Variants in ASB15 observed in about 807,000 individuals in gnomAD.
The protein encoded by ASB15 is ankyrin repeat and SOCS box protein 15.
In ASB15, 54 loss-of-function variants were observed where a neutral mutation model predicts 58.0. The observed-to-expected ratio is 0.93, with a 90% CI of 0.75 to 1.17. The LOEUF (loss-of-function observed/expected upper bound fraction) is 1.17. Ranked by LOEUF, ASB15 falls within the 50% of genes most tolerant of loss-of-function variation. ASB15 has a pLI of 0.00. For missense variants in ASB15, 680 were observed against 707.4 expected (o/e 0.96, Z 0.44); for synonymous variants, 249 against 262.4 (o/e 0.95, Z 0.50).
intron 1 of ASB15, among the ~76,000 whole-genome samples, chr7:123,580,264 G>A (rs1037311415): frequency 3.3e-5 from 5 of 152,092 alleles, no homozygotes; most frequent in Non-Finnish European, 7.4e-5. Flanking sequence ...GGTGGCAGAT[G>A]AAGTCCTCAG....
At chr7:123,612,052 G>A (rs1032584416) in intron 3 of ASB15, among the ~76,000 whole-genome samples, 1 of 152,024 alleles carries the variant, frequency 6.6e-6, no homozygotes, top group Non-Finnish European at 1.5e-5. Context: ...TACACTGAAA[G>A]CCCAAATTTC....
upstream of ASB15, among the ~76,000 whole-genome samples, chr7:123,597,350 G>T (rs1799727056): frequency 6.6e-6 from 1 of 152,132 alleles, no homozygotes; most frequent in Admixed American, 6.5e-5. Flanking sequence ...AATGATGGCT[G>T]CAAGAATATT....
intron 10 of ASB15, 145 bp from the exon 11 acceptor site, chr7:123,629,821 C>T (rs1285402357): frequency 1.5e-6 from 1 of 650,986 alleles, no homozygotes; most frequent in East Asian, 3.0e-5. Flanking sequence ...GAGAAGCAAA[C>T]AATTTATTTT....
chr7:123,622,961 C>G (rs551852681), intron 7 of ASB15: 50 of 152,382 alleles, frequency 3.3e-4, no homozygotes, highest in African/African-American at 1.0e-3. Context: ...ACATTGGGAG[C>G]TGCTTTCCTT....
At chr7:123,634,957 C>T (rs1802339374) in intron 11 of ASB15, among the ~76,000 whole-genome samples, 1 of 152,130 alleles carries the variant, frequency 6.6e-6, no homozygotes, top group African/African-American at 2.4e-5. Context: ...CATGGAACTG[C>T]ACCATGGAAA....
intron 3 of ASB15, among the ~76,000 whole-genome samples, chr7:123,611,082 C>CAAAAAAA (rs34527165): frequency 7.3e-5 from 6 of 81,852 alleles, no homozygotes; most frequent in Non-Finnish European, 9.4e-5. Context: ...AACTCCATCT[C>CAAAAAAA]AAAAAAAAAA....
chr7:123,619,589 T>C (rs1801096292), intron 7 of ASB15, among the ~76,000 whole-genome samples: 1 of 152,122 alleles, frequency 6.6e-6, no homozygotes, highest in African/African-American at 2.4e-5. Context: ...AGTGGCGCAA[T>C]CTCGGCTCAC....
rs1459949582 is a variant in ASB15 at position 123,637,877 on chromosome 7, C to CAAAAAAAAAAAAAAAAAA, written c.*896_*897insAAAAAAAAAAAAAAAAAA. ...CAAATTCAACATGTCCCCAGATGAA[C>CAAAAAAAAAAAAAAAAAA]TAAAAAAAAAAAAAAAAAAAAAACC... On this transcript the variant is annotated 3_prime_UTR_variant, in exon 12 of 12. Transcript: ENST00000451215. The CAAAAAAAAAAAAAAAAAA allele has an allele frequency of 1.0e-4, 2 of 19,122 alleles. No homozygotes were observed. Among genetic ancestry groups the CAAAAAAAAAAAAAAAAAA allele is most frequent in the African/African-American group, 2.4e-4 (1 of 4,106 alleles). The allele number at this position is 19,122 out of a possible 1,614,324, so 1.2% of individuals were successfully genotyped here.
upstream of ASB15, among the ~76,000 whole-genome samples, chr7:123,597,294 A>G (rs1799725595): frequency 6.6e-6 from 1 of 152,214 alleles, no homozygotes; most frequent in African/African-American, 2.4e-5. Flanking sequence ...CAGATCAATC[A>G]TGATGGTATC....
chr7:123,624,681 C>G lies in ASB15; in HGVS notation c.564C>G (p.Gly188=). Reference sequence around the variant, plus strand: ...CAATGCATGAAGCAGCCAAGCAAGGCCGAAAAGATATCGTAGCTCTGCTGC... The same window carrying G: ...CAATGCATGAAGCAGCCAAGCAAGGGCGAAAAGATATCGTAGCTCTGCTGC... The part of the protein sequence containing the change: ...WSAMHEAAKQ[G]RKDIVALLLK... Residue 188 remains glycine, a synonymous_variant, in exon 8 of 12, where the codon GGC becomes GGG. Transcript: ENST00000451215. The G allele has an allele frequency of 6.2e-7, 1 of 1,614,128 alleles. No individual in the cohort carries two copies. Among genetic ancestry groups the G allele is most frequent in the South Asian group, 1.1e-5 (1 of 91,080 alleles).
intron 9 of ASB15, 117 bp from the exon 10 acceptor site, chr7:123,628,747 T>C: frequency 1.5e-6 from 1 of 654,654 alleles, no homozygotes; most frequent in Non-Finnish European, 2.4e-6. Flanking sequence ...TATAAAGTTA[T>C]CTAGAGAAAA....
At chr7:123,576,802 G>C (rs1799078728) in intron 1 of ASB15, among the ~76,000 whole-genome samples, 1 of 152,138 alleles carries the variant, frequency 6.6e-6, no homozygotes, top group Non-Finnish European at 1.5e-5. Context: ...CTGCCACTAG[G>C]TTTTCTCACC....
intron 5 of ASB15, 40 bp from the exon 6 acceptor site, chr7:123,616,324 A>G (rs761953820): frequency 6.2e-7 from 1 of 1,610,392 alleles, no homozygotes; most frequent in South Asian, 1.1e-5. Flanking sequence ...TCCACCTTGC[A>G]AAAACAGAGA....
intron 1 of ASB15, among the ~76,000 whole-genome samples, chr7:123,577,375 T>A (rs1221841567): frequency 6.6e-6 from 1 of 152,188 alleles, no homozygotes; most frequent in East Asian, 1.9e-4. Context: ...ATAAAATGCT[T>A]CTGTAACTGG....
chr7:123,568,901 A>C (rs1001035190), intron 1 of ASB15, among the ~76,000 whole-genome samples: 5 of 152,238 alleles, frequency 3.3e-5, no homozygotes, highest in African/African-American at 1.2e-4. Flanking sequence ...TGTTGATACT[A>C]TATTTCTAAC....
intron 4 of ASB15, among the ~76,000 whole-genome samples, chr7:123,615,727 C>A (rs1800758491): frequency 6.6e-6 from 1 of 152,048 alleles, no homozygotes; most frequent in Admixed American, 6.6e-5. Flanking sequence ...ACCATAAGCT[C>A]CCAAGTAAGT....
chr7:123,568,575 T>C (rs1489881439), intron 1 of ASB15, among the ~76,000 whole-genome samples: 1 of 150,796 alleles, frequency 6.6e-6, no homozygotes, highest in African/African-American at 2.4e-5. Context: ...GAATATTAAA[T>C]ATTTCTAGCC....
At chr7:123,635,528 A>G (rs1802373339) in intron 11 of ASB15, among the ~76,000 whole-genome samples, 1 of 149,522 alleles carries the variant, frequency 6.7e-6, no homozygotes, top group South Asian at 2.1e-4. Context: ...CTACAATACC[A>G]TTATACTTCC....
In ASB15 at chr7:123,617,585, A is replaced by G. The variant is rs1800907004; in HGVS notation, c.299A>G (p.Tyr100Cys). The G allele has an allele frequency of 4.3e-6, 7 of 1,609,376 alleles. No individual in the cohort carries two copies. In the African/African-American group the frequency reaches 6.7e-5, roughly 15 times the overall value. Residue 100 changes from tyrosine to cysteine, a missense_variant, in exon 7 of 12, where the codon TAT becomes TGT. By Grantham distance (194) the Tyr-to-Cys change is radical. Coordinates refer to ENST00000451215, the MANE Select transcript of ASB15 (RefSeq NM_001290258.2). ...TAATGCTTTCATGTCACAGCATCCT[A>G]TAAGACACTCTGGGAATTCAAGACC... is the stretch of plus-strand genomic sequence containing the variant. ...QILEIVLDAS[Y>C]KTLWEFKTCD...
Sources: gnomAD v4.1 joint callset for allele counts (sites outside exome capture counted in the v4.1 genomes callset) on GRCh38, gnomAD v4.1.1 for gene constraint, MANE v1.5 for transcripts, NCBI Gene and HGNC (gene_info 2026-07-23, HGNC 2026-07-21) for gene names.